Variants in SLC14A2 observed in about 807,000 individuals in gnomAD.
The protein encoded by SLC14A2 is urea transporter 2.
SLC14A2 carries 91 observed loss-of-function variants against 104.6 expected under a neutral mutation model. That is an observed-to-expected ratio of 0.87 (90% confidence interval 0.73 to 1.04). The LOEUF (loss-of-function observed/expected upper bound fraction) is 1.04, where lower values mean the gene tolerates loss of function less well. SLC14A2 is among the 50% of genes least tolerant of loss of function. The pLI is 0.00. For missense variants in SLC14A2, 1,189 were observed against 1,156.0 expected, an observed-to-expected ratio of 1.03 and a Z score of -0.41; for synonymous variants, 476 against 466.4, an observed-to-expected ratio of 1.02 and a Z score of -0.27.
chr18:45,175,556 G>GTCACAA, the SLC14A2 span, among the ~76,000 whole-genome samples: 2 of 152,098 alleles, frequency 1.3e-5, no homozygotes, highest in African/African-American at 4.8e-5. Context: ...TGTGACTTAT[G>GTCACAA]AGTGGATCAT....
At chr18:45,599,635 C>T (rs367614517) in intron 2 of SLC14A2, among the ~76,000 whole-genome samples, 2 of 152,120 alleles carry the variant, frequency 1.3e-5, no homozygotes, top group Non-Finnish European at 2.9e-5. Flanking sequence ...GGCAGGGACA[C>T]GGGTAAAGAG....
At chr18:45,186,432 A>T in the SLC14A2 span, among the ~76,000 whole-genome samples, 14,077 of 152,256 alleles carry the variant, frequency 0.092, 689 homozygotes, top group East Asian at 0.14. Context: ...ATTTCACATC[A>T]TCTACAAAAA....
intron 1 of SLC14A2, among the ~76,000 whole-genome samples, chr18:45,305,853 A>C (rs11661806): frequency 0.15 from 22,647 of 152,192 alleles, 1,810 homozygotes; most frequent in South Asian, 0.17. Context: ...TTAATTTCAG[A>C]GAAGATATTT....
chr18:45,614,027 C>A (rs1039841847), upstream of SLC14A2, among the ~76,000 whole-genome samples: 6 of 152,236 alleles, frequency 3.9e-5, no homozygotes, highest in Non-Finnish European at 2.9e-5. Context: ...ACCCTACCAT[C>A]CTGGGCCCAG....
At chr18:45,627,478 A>G (rs1223987314) in intron 4 of SLC14A2, among the ~76,000 whole-genome samples, 1 of 152,220 alleles carries the variant, frequency 6.6e-6, no homozygotes. Flanking sequence ...AGAATAATAC[A>G]GGACAGTATA....
chr18:45,417,014 G>A (rs1363183861), intron 1 of SLC14A2, among the ~76,000 whole-genome samples: 4 of 152,154 alleles, frequency 2.6e-5, no homozygotes, highest in East Asian at 3.9e-4. Context: ...ACACAAATCC[G>A]CAAGATGGAC....
intron 1 of SLC14A2, among the ~76,000 whole-genome samples, chr18:45,258,769 C>G (rs1476180954): frequency 9.6e-6 from 1 of 104,680 alleles, no homozygotes; most frequent in Non-Finnish European, 2.0e-5. Flanking sequence ...CATTGATCCC[C>G]ATGACAGCTC....
chr18:45,579,627 T>G (rs2044460985), intron 2 of SLC14A2, among the ~76,000 whole-genome samples: 1 of 152,252 alleles, frequency 6.6e-6, no homozygotes, highest in African/African-American at 2.4e-5. Flanking sequence ...GTCAGCAGCA[T>G]GAAATCAAGA....
intron 13 of SLC14A2, 149 bp downstream of exon 13, chr18:45,667,243 T>C: frequency 1.6e-6 from 1 of 616,350 alleles, no homozygotes; most frequent in South Asian, 2.5e-5. Flanking sequence ...AAGCTGGGAG[T>C]TTTGCTGTTA....
At chr18:45,655,128 C>T (rs918065384) in intron 10 of SLC14A2, among the ~76,000 whole-genome samples, 1 of 152,238 alleles carries the variant, frequency 6.6e-6, no homozygotes, top group Non-Finnish European at 1.5e-5. Flanking sequence ...CAGCTCCTAA[C>T]AACCTGTCTC....
In SLC14A2 at chr18:45,570,129, C is replaced by T. The variant is rs548098988; in HGVS notation, c.-34-54502C>T. 4.6e-5 allele frequency among the ~76,000 whole-genome samples: 7 copies of T among 152,220 alleles called. 1 individual carries two copies. Among genetic ancestry groups the T allele is most frequent in the African/African-American group, 9.6e-5 (4 of 41,534 alleles). Reference sequence around the variant, plus strand: ...AGCTGGAGAGGGAGCAATGTGGGCTCGTATGTGGTCAGCATCTCTTGACAG... The same window carrying T: ...AGCTGGAGAGGGAGCAATGTGGGCTTGTATGTGGTCAGCATCTCTTGACAG... On this transcript the variant is annotated intron_variant, in intron 2 of 20. Coordinates refer to the SLC14A2 transcript ENST00000586448.
chr18:45,309,820 T>G (rs1029073673), intron 1 of SLC14A2, among the ~76,000 whole-genome samples: 7 of 152,306 alleles, frequency 4.6e-5, no homozygotes, highest in African/African-American at 1.4e-4. Context: ...TTGCATATCC[T>G]TGTATAATAA....
At chr18:45,583,120 T>C (rs1025311894) in intron 2 of SLC14A2, among the ~76,000 whole-genome samples, 3 of 152,190 alleles carry the variant, frequency 2.0e-5, no homozygotes, top group Non-Finnish European at 4.4e-5. Flanking sequence ...AATACATGTG[T>C]GTGACTTTTC....
At chr18:45,444,894 C>A (rs1258283561) in intron 1 of SLC14A2, among the ~76,000 whole-genome samples, 1 of 152,118 alleles carries the variant, frequency 6.6e-6, no homozygotes, top group Non-Finnish European at 1.5e-5. Flanking sequence ...CAGCTAATAG[C>A]CCATTGGTTC....
In SLC14A2 at chr18:45,641,353, C is replaced by T. The variant is rs777417016; in HGVS notation, c.1126+10C>T. ...CTGGCCCTCATCTGTGGTAGGTGTT[C>T]AGAAAAGCTGACAACCAGGTTATTC... On this transcript the variant is annotated intron_variant, in intron 8 of 19. Transcript: ENST00000255226. 1 of 1,614,076 alleles carries T rather than the reference C, an allele frequency of 6.2e-7. No individual in the cohort carries two copies. The highest frequency in any genetic ancestry group is 1.7e-5 in the Admixed American group (1 of 60,020).
intron 1 of SLC14A2, among the ~76,000 whole-genome samples, chr18:45,331,639 C>A (rs1047950175): frequency 6.6e-6 from 1 of 150,836 alleles, no homozygotes; most frequent in East Asian, 2.0e-4. Context: ...TGCAGTGAGC[C>A]GAGATCGCAC....
chr18:45,204,713 G>A, the SLC14A2 span, among the ~76,000 whole-genome samples: 2 of 151,718 alleles, frequency 1.3e-5, no homozygotes, highest in South Asian at 2.1e-4. Context: ...AAGATTTATT[G>A]GACATATAAG....
intron 2 of SLC14A2, among the ~76,000 whole-genome samples, chr18:45,533,156 T>C (rs1033543426): frequency 2.0e-5 from 3 of 152,184 alleles, no homozygotes; most frequent in Admixed American, 2.0e-4. Flanking sequence ...GGTCTAAAAT[T>C]CTCTTTTTTG....
At chr18:45,368,773 T>A (rs1431988261) in intron 1 of SLC14A2, among the ~76,000 whole-genome samples, 1 of 152,154 alleles carries the variant, frequency 6.6e-6, no homozygotes, top group Non-Finnish European at 1.5e-5. Context: ...GGCTTAACTG[T>A]TTGCTTCTCT....
Sources: allele counts gnomAD v4.1 joint callset (sites outside exome capture counted in the v4.1 genomes callset), GRCh38; gene constraint gnomAD v4.1.1; transcripts MANE v1.5; gene names NCBI Gene and HGNC (gene_info 2026-07-23, HGNC 2026-07-21).